PIM2: variants seen among roughly 807,000 people sequenced by gnomAD.
PIM2 encodes Pim-2 proto-oncogene, serine/threonine kinase, also known as serine/threonine-protein kinase pim-2.
A neutral mutation model predicts 18.0 loss-of-function variants in PIM2; 3 were observed. The ratio of observed to expected loss-of-function variants is 0.17; its 90% CI spans 0.08 to 0.43. PIM2 has a LOEUF of 0.43. Ranked by LOEUF, PIM2 falls within the 20% of genes least tolerant of loss-of-function variation. The pLI is 0.99. For missense variants in PIM2, 181 were observed against 260.8 expected, an observed-to-expected ratio of 0.69 and a Z score of 2.11; for synonymous variants, 117 against 105.3, an observed-to-expected ratio of 1.11 and a Z score of -0.68.
At chrX:48,915,551 GAC>G (rs1557045162) in intron 3 of PIM2, 159 bp from the exon 4 acceptor site, 3 of 480,453 alleles carry the variant, frequency 6.2e-6, no homozygotes, top group African/African-American at 4.9e-5. Flanking sequence ...TTTCCCTAAA[GAC>G]ACAAACTCAC....
At position 48,913,887 on chromosome X, in the gene PIM2, C is replaced by G. The variant is rs1250301885; in HGVS notation, c.*244G>C. The stretch of plus-strand genomic sequence containing the variant: ...AGCAAAATGAGAAGCAAGAAGTTCC[C>G]CCTCCAGAATCAGGGACCACAGGTT... On this transcript the variant is annotated 3_prime_UTR_variant, in exon 6 of 6. Transcript: ENST00000376509. 1 of 316,164 alleles carries G rather than the reference C, an allele frequency of 3.2e-6. No homozygotes were observed. Among genetic ancestry groups the G allele is most frequent in the Non-Finnish European group, 5.4e-6 (1 of 184,392 alleles). The allele number at this position is 316,164 out of a possible 1,213,427, so 26.1% of individuals were successfully genotyped here.
Position 48,915,397 on chromosome X carries a change from G to T in PIM2, c.223-5C>A. ...TGGGCATGTGACTGAGTCTGACTGG[G>T]GGCACAGGTGGGGTGGGAAGCAGGG... On this transcript the variant is annotated splice_region_variant and splice_polypyrimidine_tract_variant and intron_variant, in intron 3 of 5. Transcript: ENST00000376509. The T allele has an allele frequency of 8.4e-7, 1 of 1,193,712 alleles. No individual in the cohort carries two copies. Among genetic ancestry groups the T allele is most frequent in the South Asian group, 1.8e-5 (1 of 54,758 alleles).
At position 48,915,899 on chromosome X, in the gene PIM2, A is replaced by T. The variant is rs782657265; in HGVS notation, c.223-507T>A. 1.8e-4 allele frequency among the ~76,000 whole-genome samples: 20 copies of T among 112,508 alleles called. No individual in the cohort carries two copies. The South Asian group carries it at 5.4e-3, about 30-fold the overall frequency. Reference sequence around the variant, plus strand: ...CACTGCACTCCAGCTGTCTCAAAACAAACAAGCAAAAATACAAAGAAAAAT... The same window carrying T: ...CACTGCACTCCAGCTGTCTCAAAACTAACAAGCAAAAATACAAAGAAAAAT... On this transcript the variant is annotated intron_variant, in intron 3 of 5. Coordinates refer to ENST00000376509, the MANE Select transcript of PIM2 (RefSeq NM_006875.4).
intron 3 of PIM2, among the ~76,000 whole-genome samples, chrX:48,917,575 G>A (rs962326980): frequency 8.8e-6 from 1 of 113,233 alleles, no homozygotes; most frequent in East Asian, 2.8e-4. Context: ...AGGAAGGATG[G>A]TAAAGGTTTG....
rs1203205797 is a variant in PIM2 at position 48,913,293 on chromosome X, TG to T, written c.*837del. On this transcript the variant is annotated 3_prime_UTR_variant, in exon 6 of 6. Coordinates refer to ENST00000376509, the MANE Select transcript of PIM2 (RefSeq NM_006875.4). ...TTGGAACTCCCCTCCCCACAATACG[TG>T]ATTATTTACATTTTAGTAATTGGAC... 1 of 110,476 alleles carries T rather than the reference TG, an allele frequency of 9.1e-6. No homozygotes were observed. Among genetic ancestry groups the T allele is most frequent in the Non-Finnish European group, 1.9e-5 (1 of 52,776 alleles). The allele number at this position is 110,476 out of a possible 1,213,427, so 9.1% of individuals were successfully genotyped here. A position where few individuals can be genotyped will look rare whatever the true frequency, so the allele number is the denominator to read the frequency against.
rs1200777124 is a variant in PIM2, at chrX:48,918,998, G to A, written c.-164C>T. 12 of 438,979 alleles carry A rather than the reference G, an allele frequency of 2.7e-5. No homozygotes were observed. Among genetic ancestry groups the A allele is most frequent in the East Asian group, 2.1e-4 (5 of 23,377 alleles). 36.2% of individuals were successfully genotyped at this position (438,979 alleles called of 1,213,427 possible). On this transcript the variant is annotated 5_prime_UTR_variant, in exon 1 of 6. Coordinates refer to ENST00000376509, the MANE Select transcript of PIM2 (RefSeq NM_006875.4). ...CGCAGACGGCGCAGCGTTGAGATTC[G>A]CCGCGCGCGCCAGCCCCAATGCTAC...
At chrX:48,914,659 A>G (rs1390169029) in intron 4 of PIM2, 88 bp from the exon 5 acceptor site, 1 of 797,865 alleles carries the variant, frequency 1.3e-6, no homozygotes, top group African/African-American at 2.1e-5. Context: ...CCTCACCACA[A>G]TTAAGAGCAC....
intron 2 of PIM2, 60 bp downstream of exon 2, chrX:48,918,476 G>T: frequency 1.2e-6 from 1 of 839,609 alleles, no homozygotes; most frequent in Non-Finnish European, 1.7e-6. Context: ...GCATTCCAGG[G>T]CCAGGACCCC....
Position 48,914,260 on chromosome X carries a change from G to T in PIM2, c.807C>A (p.Pro269=). The T allele has an allele frequency of 8.3e-7, 1 of 1,209,139 alleles. No homozygotes were observed. Among genetic ancestry groups the T allele is most frequent in the Non-Finnish European group, 1.1e-6 (1 of 894,086 alleles). Reference sequence around the variant, plus strand: ...CCAGTGAGGGTCGGGAAGAAGGTTTGGGGGCCAGGCACCGGCGGATTAGGG... The same window carrying T: ...CCAGTGAGGGTCGGGAAGAAGGTTTTGGGGCCAGGCACCGGCGGATTAGGG... ...CCALIRRCLA[P]KPSSRPSLEE... is the part of the protein sequence containing the mutation. Residue 269 remains proline, a synonymous_variant, in exon 6 of 6, where the codon CCC becomes CCA. Transcript: ENST00000376509.
At chrX:48,918,446 G>A in intron 2 of PIM2, 90 bp downstream of exon 2, 1 of 610,633 alleles carries the variant, frequency 1.6e-6, no homozygotes, top group Non-Finnish European at 2.6e-6. Context: ...CACTCTGCAG[G>A]CTCACTCCTC....
chrX:48,918,329 C>T (rs1199278109), intron 2 of PIM2, among the ~76,000 whole-genome samples: 1 of 81,298 alleles, frequency 1.2e-5, no homozygotes, highest in Non-Finnish European at 2.4e-5. Context: ...CCTCCTAGAC[C>T]GACACACACA....
At chrX:48,916,328 G>C (rs1289067480) in intron 3 of PIM2, among the ~76,000 whole-genome samples, 1 of 112,930 alleles carries the variant, frequency 8.9e-6, no homozygotes, top group Non-Finnish European at 1.9e-5. Context: ...AAACAGCTGA[G>C]TGATTTATTA....
Position 48,918,778 on chromosome X carries a change from C to T in PIM2, c.57G>A (p.Pro19=). Residue 19 remains proline, a synonymous_variant, in exon 1 of 6, where the codon CCG becomes CCA. Coordinates refer to ENST00000376509, the MANE Select transcript of PIM2 (RefSeq NM_006875.4). ...AGTAGGGGAGGATGTACTCACCTGG[C>T]GGCGGCGTGGGGGTCCCGGGGGGCG... ...PPAPPGTPTP[P]PGGKDREAFE... is the part of the protein sequence containing the mutation. 2 of 1,191,265 alleles carry T rather than the reference C, an allele frequency of 1.7e-6. No homozygotes were observed. Among genetic ancestry groups the T allele is most frequent in the Non-Finnish European group, 2.3e-6 (2 of 886,572 alleles).
Position 48,917,773 on chromosome X carries a change from G to T in PIM2, c.222+8C>A, listed in dbSNP as rs1557045406. On this transcript the variant is annotated splice_region_variant and intron_variant, in intron 3 of 5. Coordinates refer to ENST00000376509, the MANE Select transcript of PIM2 (RefSeq NM_006875.4). ...AGGTAGGTTAGGAAGGGCTCCGAAG[G>T]TACTCACCAAGGGGGACCAGCCCAG... 1 of 1,196,320 alleles carries T rather than the reference G, an allele frequency of 8.4e-7. No homozygotes were observed. Among genetic ancestry groups the T allele is most frequent in the Non-Finnish European group, 1.1e-6 (1 of 884,077 alleles).
Position 48,914,052 on chromosome X carries a change from C to CA in PIM2, c.*78dup. ...GTAATGACCTGTAAAACCAAGTCAA[C>CA]AAATGTCCATCTATCCCTGTGACAT... On this transcript the variant is annotated 3_prime_UTR_variant, in exon 6 of 6. Transcript: ENST00000376509. 1 of 602,700 alleles carries CA rather than the reference C, an allele frequency of 1.7e-6. No homozygotes were observed. The highest frequency in any genetic ancestry group is 2.5e-6 in the Non-Finnish European group (1 of 392,373). 49.7% of individuals were successfully genotyped at this position (602,700 alleles called of 1,213,427 possible). A position where few individuals can be genotyped will look rare whatever the true frequency, so the allele number is the denominator to read the frequency against.
rs1489459830 is a variant in PIM2 at position 48,918,530 on chromosome X, G to A, written c.171+6C>T. On this transcript the variant is annotated splice_donor_region_variant and intron_variant, in intron 2 of 5. Transcript: ENST00000376509. Reference sequence around the variant, plus strand: ...CTGACCCTCCCAAGACCCTCATGACGGATACCTGGAGTCGATCTGTGAGGC... The same window carrying A: ...CTGACCCTCCCAAGACCCTCATGACAGATACCTGGAGTCGATCTGTGAGGC... 8.5e-7 allele frequency: 1 copy of A among 1,178,449 alleles called. No homozygotes were observed. The highest frequency in any genetic ancestry group is 1.1e-6 in the Non-Finnish European group (1 of 869,926).
At position 48,917,808 on chromosome X, in the gene PIM2, C is replaced by T; in HGVS notation, c.195G>A (p.Arg65=). The part of the protein sequence containing the change: ...RLQVAIKVIP[R]NRVLGWSPLS... ...AGGGGGACCAGCCCAGCACACGATT[C>T]CGGGGAATCACTTTGATGGCCACCT... The change falls in exon 3 of 6, where the codon CGG becomes CGA. Residue 65 remains arginine (R), a synonymous_variant. Transcript: ENST00000376509. 2 of 1,204,502 alleles carry T rather than the reference C, an allele frequency of 1.7e-6. No homozygotes were observed. The highest frequency in any genetic ancestry group is 6.0e-5 in the East Asian group (2 of 33,516).
At position 48,914,107 on chromosome X, in the gene PIM2, GGGCCA is replaced by G. The variant is rs782744998; in HGVS notation, c.*19_*23del. On this transcript the variant is annotated 3_prime_UTR_variant, in exon 6 of 6. Coordinates refer to ENST00000376509, the MANE Select transcript of PIM2 (RefSeq NM_006875.4). ...ATGGGATGGCTCTTCTGACCATTGG[GGGCCA>G]GGCCAGGCCAGGCCAGGCTTAGGGT... The G allele has an allele frequency of 3.4e-4, 331 of 974,856 alleles. 3 individuals carry two copies. In the African/African-American group the frequency reaches 5.1e-3, roughly 15 times the overall value. 80.3% of individuals were successfully genotyped at this position (974,856 alleles called of 1,213,427 possible). A position where few individuals can be genotyped will look rare whatever the true frequency, so the allele number is the denominator to read the frequency against.
chrX:48,918,618 G>C lies in PIM2; in HGVS notation c.89C>G (p.Ala30Gly). The change falls in exon 2 of 6, where the codon GCC becomes GGC. Residue 30 changes from alanine to glycine, a missense_variant. Ala to Gly is a moderately conservative substitution (Grantham distance 60). Transcript: ENST00000376509. ...CAGGAGGGGGCCGAGTCGATACTCG[G>C]CCTCGAACGCTTCCCGATCCTTGCC... Reference protein sequence around the residue: ...PGGKDREAFEAEYRLGPLLGK... With the variant: ...PGGKDREAFEGEYRLGPLLGK... The C allele has an allele frequency of 8.3e-7, 1 of 1,204,201 alleles. No homozygotes were observed. The highest frequency in any genetic ancestry group is 1.1e-6 in the Non-Finnish European group (1 of 890,325).
Sources: allele counts gnomAD v4.1 joint callset (sites outside exome capture counted in the v4.1 genomes callset), GRCh38; gene constraint gnomAD v4.1.1; transcripts MANE v1.5; gene names NCBI Gene and HGNC (gene_info 2026-07-23, HGNC 2026-07-21).